The following HMCN1 variants were observed in gnomAD, a reference collection of about 807,000 sequenced individuals.
The protein encoded by HMCN1 is hemicentin 1.
Under a neutral mutation model 625.9 loss-of-function variants are expected in HMCN1, and 321 were observed. That is an observed-to-expected ratio of 0.51 (90% CI 0.47 to 0.56). The LOEUF is 0.56. Among genes scored for constraint, HMCN1 ranks in the 20% least tolerant of loss-of-function variants. HMCN1 has a pLI of 0.00. For missense variants in HMCN1, 6,588 were observed against 6,887.3 expected (o/e 0.96, Z 1.54); for synonymous variants, 2,425 against 2,417.6 (o/e 1.00, Z -0.09).
chr1:186,025,934 G>A (rs1490202117), intron 36 of HMCN1, among the ~76,000 whole-genome samples: 2 of 152,196 alleles, frequency 1.3e-5, no homozygotes, highest in African/African-American at 2.4e-5. Flanking sequence ...ATCATGACTT[G>A]TGTACATAAC....
chr1:185,909,140 G>A (rs1484648690), intron 4 of HMCN1, among the ~76,000 whole-genome samples, 197 bp from the exon 5 acceptor site: 1 of 151,992 alleles, frequency 6.6e-6, no homozygotes, highest in Non-Finnish European at 1.5e-5. Context: ...TTGAACATGG[G>A]TTAAACCAGC....
At chr1:186,035,712 T>A (rs1655774638) in intron 36 of HMCN1, among the ~76,000 whole-genome samples, 2 of 152,160 alleles carry the variant, frequency 1.3e-5, no homozygotes, top group Admixed American at 6.5e-5. Flanking sequence ...TCATTGTTGA[T>A]TTATATTTTA....
At chr1:186,010,356 A>G (rs983196381) in intron 30 of HMCN1, among the ~76,000 whole-genome samples, 4 of 152,234 alleles carry the variant, frequency 2.6e-5, no homozygotes, top group African/African-American at 7.2e-5. Context: ...AAAATGGAAG[A>G]GGAAGTGAAA....
At chr1:186,164,215 T>C (rs978985356) in intron 97 of HMCN1, among the ~76,000 whole-genome samples, 3 of 152,084 alleles carry the variant, frequency 2.0e-5, no homozygotes. Flanking sequence ...TGTTAGCTTT[T>C]TTGTTTCTGA....
intron 46 of HMCN1, among the ~76,000 whole-genome samples, chr1:186,059,038 A>G (rs945223838): frequency 6.6e-6 from 1 of 152,028 alleles, no homozygotes; most frequent in African/African-American, 2.4e-5. Context: ...GGGTTTTTGT[A>G]AGGATGAAAT....
intron 96 of HMCN1, 86 bp from the exon 97 acceptor site, chr1:186,153,664 C>G: frequency 1.9e-6 from 2 of 1,055,626 alleles, no homozygotes; most frequent in Admixed American, 1.7e-5. Flanking sequence ...CCTTTTTCCC[C>G]GCTCATTCTG....
chr1:186,024,975 A>G (rs1654966292), intron 36 of HMCN1, among the ~76,000 whole-genome samples: 1 of 152,178 alleles, frequency 6.6e-6, no homozygotes, highest in Non-Finnish European at 1.5e-5. Flanking sequence ...ATTGTAATAT[A>G]TAATGGTATA....
intron 1 of HMCN1, among the ~76,000 whole-genome samples, chr1:185,784,694 C>T (rs748112366): frequency 1.4e-4 from 22 of 152,046 alleles, no homozygotes; most frequent in Non-Finnish European, 2.2e-4. Flanking sequence ...TACATCCTTC[C>T]CTTGCATTGT....
chr1:185,790,710 T>C (rs781331773), intron 1 of HMCN1, among the ~76,000 whole-genome samples: 2 of 152,238 alleles, frequency 1.3e-5, no homozygotes, highest in Non-Finnish European at 2.9e-5. Context: ...CTCCAGGCAC[T>C]AATTGCTGAT....
chr1:186,063,467 AAGGAAGGAAGGAAG>A lies in HMCN1; in HGVS notation c.7513+868_7513+881del, dbSNP rs1657899055. 6.2e-5 allele frequency among the ~76,000 whole-genome samples: 8 copies of A among 129,744 alleles called. No individual in the cohort carries two copies. In the Middle Eastern group the frequency reaches 0.011, roughly 182 times the overall value. The allele number at this position is 129,744 out of a possible 152,430, so 85.1% of individuals were successfully genotyped here. On this transcript the variant is annotated intron_variant, in intron 48 of 106. Transcript: ENST00000271588. ...CGGAGAGAGAAGGAAGGAAGGAAGG[AAGGAAGGAAGGAAG>A]GAAGGAAGGAAGGAAGGAAGGAAGG...
At chr1:185,896,800 A>T (rs989693538) in intron 4 of HMCN1, among the ~76,000 whole-genome samples, 1 of 152,212 alleles carries the variant, frequency 6.6e-6, no homozygotes, top group Non-Finnish European at 1.5e-5. Flanking sequence ...AAAATGAACG[A>T]GTGTACCTGC....
intron 15 of HMCN1, among the ~76,000 whole-genome samples, chr1:185,973,592 CA>C (rs1650984897): frequency 1.3e-5 from 2 of 151,744 alleles, no homozygotes; most frequent in South Asian, 4.2e-4. Context: ...AATACTAGAT[CA>C]AAAAATTATG....
At chr1:186,148,113 C>T (rs1044729314) in intron 93 of HMCN1, among the ~76,000 whole-genome samples, 4 of 152,162 alleles carry the variant, frequency 2.6e-5, no homozygotes, top group East Asian at 1.9e-4. Flanking sequence ...CCTTTGTTGT[C>T]GTTTTAACAA....
At chr1:185,773,724 G>T (rs939904921) in intron 1 of HMCN1, among the ~76,000 whole-genome samples, 1 of 152,102 alleles carries the variant, frequency 6.6e-6, no homozygotes, top group Admixed American at 6.6e-5. Context: ...ATACTGCCAT[G>T]TTGAATTGCT....
At chr1:186,060,026 G>T (rs1038439721) in intron 46 of HMCN1, among the ~76,000 whole-genome samples, 1 of 151,886 alleles carries the variant, frequency 6.6e-6, no homozygotes, top group South Asian at 2.1e-4. Context: ...TTCCCTAATT[G>T]ACATAAGTTT....
chr1:185,743,998 T>G (rs1297276418), intron 1 of HMCN1, among the ~76,000 whole-genome samples: 1 of 142,770 alleles, frequency 7.0e-6, no homozygotes, highest in Non-Finnish European at 1.5e-5. Flanking sequence ...TTTTTTTTTT[T>G]TTTTTTTTGA....
chr1:186,017,624 G>A (rs145186408), intron 33 of HMCN1, among the ~76,000 whole-genome samples: 1 of 151,934 alleles, frequency 6.6e-6, no homozygotes, highest in African/African-American at 2.4e-5. Context: ...AAACTAACTG[G>A]AATGTGAAAT....
At chr1:185,893,457 G>A in intron 4 of HMCN1, among the ~76,000 whole-genome samples, 1 of 152,138 alleles carries the variant, frequency 6.6e-6, no homozygotes, top group Non-Finnish European at 1.5e-5. Flanking sequence ...AAAATTTATG[G>A]TGTTTTAAGA....
chr1:185,765,282 G>T (rs754575106), intron 1 of HMCN1, among the ~76,000 whole-genome samples: 11 of 152,104 alleles, frequency 7.2e-5, no homozygotes, highest in Non-Finnish European at 1.6e-4. Flanking sequence ...TTACAAAGAG[G>T]TGATACTAGA....
Sources: gnomAD v4.1 joint callset for allele counts (sites outside exome capture counted in the v4.1 genomes callset) on GRCh38, gnomAD v4.1.1 for gene constraint, MANE v1.5 for transcripts, NCBI Gene and HGNC (gene_info 2026-07-23, HGNC 2026-07-21) for gene names.